ZNF44: variants seen among roughly 807,000 people sequenced by gnomAD.
ZNF44 encodes the protein gonadotropin inducible transcription repressor-2.
ZNF44 carries 9 observed loss-of-function variants against 11.7 expected under a neutral mutation model. The observed-to-expected ratio is 0.77, with a 90% CI of 0.46 to 1.35. ZNF44 has a LOEUF of 1.35. Ranked by LOEUF, ZNF44 falls within the 40% of genes most tolerant of loss-of-function variation. The pLI, the probability that ZNF44 is intolerant of heterozygous loss-of-function variation, is 0.00. For synonymous variants in ZNF44, 224 were observed against 242.7 expected (o/e 0.92, Z 0.72); for missense variants, 696 against 743.1 (o/e 0.94, Z 0.74).
At chr19:12,230,904 G>A (rs563442034) in intron 2 of ZNF44, among the ~76,000 whole-genome samples, 13 of 152,102 alleles carry the variant, frequency 8.5e-5, no homozygotes, top group East Asian at 1.9e-4. Flanking sequence ...TTATGGGGGC[G>A]TTGGAATGTC....
In ZNF44 at chr19:12,272,234, G is replaced by A; in HGVS notation, c.*173C>T. The A allele has an allele frequency of 9.0e-7, 1 of 1,108,706 alleles. No individual in the cohort carries two copies. Among genetic ancestry groups the A allele is most frequent in the Non-Finnish European group, 1.2e-6 (1 of 863,832 alleles). 68.7% of individuals were successfully genotyped at this position (1,108,706 alleles called of 1,614,324 possible). ...TAGCCAGGCTGGTCTCGATCTCCTG[G>A]CCTCGTGATCTGCCCTCCTCGGCCT... On this transcript the variant is annotated 3_prime_UTR_variant, in exon 4 of 4. Coordinates refer to ENST00000355684, the MANE Select transcript of ZNF44 (RefSeq NM_016264.4).
intron 5 of ZNF44, among the ~76,000 whole-genome samples, chr19:12,255,048 C>T (rs1201523498): frequency 1.3e-5 from 2 of 151,942 alleles, no homozygotes; most frequent in Non-Finnish European, 2.9e-5. Flanking sequence ...AAGATCGTGC[C>T]ACTGCACTCC....
intron 5 of ZNF44, among the ~76,000 whole-genome samples, chr19:12,265,018 T>C (rs2145710312): frequency 6.6e-6 from 1 of 151,818 alleles, no homozygotes; most frequent in East Asian, 1.9e-4. Context: ...TTCTAAACAA[T>C]CATATTTTAA....
intron 1 of ZNF44, among the ~76,000 whole-genome samples, chr19:12,288,893 A>C (rs936782554): frequency 6.7e-6 from 1 of 149,508 alleles, no homozygotes; most frequent in South Asian, 2.1e-4. Context: ...ACTGACATCA[A>C]TTCTGGCTCC....
intron 7 of ZNF44, among the ~76,000 whole-genome samples, chr19:12,249,124 C>A (rs965386767): frequency 2.6e-5 from 4 of 151,916 alleles, no homozygotes; most frequent in Non-Finnish European, 4.4e-5. Flanking sequence ...CCTGACCTCA[C>A]AATCCACCCA....
At chr19:12,234,669 A>G (rs1263706773) in exon 2 of ZNF44, 1 of 152,242 alleles carries the variant, frequency 6.6e-6, no homozygotes, top group Non-Finnish European at 1.5e-5. Flanking sequence ...ATCCTCACCT[A>G]TAGAAGCCAG....
chr19:12,255,896 C>A (rs1039940505), intron 5 of ZNF44, among the ~76,000 whole-genome samples: 2 of 151,830 alleles, frequency 1.3e-5, no homozygotes, highest in African/African-American at 4.8e-5. Context: ...ATTAGCCAGG[C>A]GTGGTGACAC....
upstream of ZNF44, among the ~76,000 whole-genome samples, chr19:12,242,091 C>G (rs955683029): frequency 2.6e-5 from 4 of 151,574 alleles, no homozygotes; most frequent in Non-Finnish European, 1.5e-5. Context: ...TTTTTTTGGA[C>G]TAATGAAAAA....
At position 12,273,356 on chromosome 19, in the gene ZNF44, T is replaced by C; in HGVS notation, c.899A>G (p.Glu300Gly). ...FSVSGSLRVH[E>G]RIHTGEKPYT... ...GGGTTTCTCTCCAGTGTGAATTCTT[T>C]CATGTACTCGAAGGGAACCGGAAAC... The change falls in exon 4 of 4, where the codon GAA (glutamate) becomes GGA (glycine). Residue 300 changes from glutamate to glycine, a missense_variant. By Grantham distance (98) the Glu-to-Gly change is moderately conservative (BLOSUM62 -2). Transcript: ENST00000355684. 1 of 1,613,606 alleles carries C rather than the reference T, an allele frequency of 6.2e-7. No individual in the cohort carries two copies. The highest frequency in any genetic ancestry group is 8.5e-7 in the Non-Finnish European group (1 of 1,179,866).
intron 1 of ZNF44, among the ~76,000 whole-genome samples, chr19:12,282,421 CTTT>C (rs59865823): frequency 3.2e-5 from 4 of 126,216 alleles, no homozygotes; most frequent in Non-Finnish European, 4.9e-5. Flanking sequence ...GAGAAGTCTT[CTTT>C]TTTTTTTTTT....
At chr19:12,248,682 T>TA (rs1351801234) in intron 7 of ZNF44, 1 of 1,256,036 alleles carries the variant, frequency 8.0e-7, no homozygotes, top group Non-Finnish European at 1.0e-6. Context: ...ATGATTTCTG[T>TA]AAAAAATGAG....
downstream of ZNF44, among the ~76,000 whole-genome samples, chr19:12,247,010 T>C (rs1291002807): frequency 1.3e-5 from 2 of 151,402 alleles, no homozygotes; most frequent in East Asian, 3.9e-4. Context: ...TCTACAAATA[T>C]ATACGTATAT....
intron 5 of ZNF44, among the ~76,000 whole-genome samples, chr19:12,253,987 A>G (rs528343847): frequency 6.6e-6 from 1 of 152,146 alleles, no homozygotes; most frequent in South Asian, 2.1e-4. Flanking sequence ...TCGAAAAAGG[A>G]AAAAATAAGA....
At chr19:12,253,136 G>A (rs555094957) in intron 5 of ZNF44, among the ~76,000 whole-genome samples, 22 of 150,150 alleles carry the variant, frequency 1.5e-4, no homozygotes, top group African/African-American at 4.9e-4. Context: ...TGATGTGCCC[G>A]CCTCAGCCGC....
intron 5 of ZNF44, among the ~76,000 whole-genome samples, chr19:12,259,797 C>CCCCACTAAA (rs1294258485): frequency 1.3e-5 from 2 of 152,202 alleles, no homozygotes; most frequent in African/African-American, 4.8e-5. Context: ...TGGGTGTTAT[C>CCCCACTAAA]CCCCACTAAA....
At chr19:12,247,981 G>A in exon 8 of ZNF44, 1 of 1,346,026 alleles carries the variant, frequency 7.4e-7, no homozygotes, top group Non-Finnish European at 9.9e-7. Context: ...TCATGTCTTT[G>A]AGCAGAGTTG....
At chr19:12,251,841 C>T (rs895769604) in intron 5 of ZNF44, among the ~76,000 whole-genome samples, 6 of 152,004 alleles carry the variant, frequency 3.9e-5, no homozygotes, top group African/African-American at 7.3e-5. Context: ...CACCTGAGGT[C>T]GGGAGTTTGA....
intron 1 of ZNF44, among the ~76,000 whole-genome samples, chr19:12,286,922 C>T (rs1967783759): frequency 6.6e-6 from 1 of 151,578 alleles, no homozygotes; most frequent in African/African-American, 2.4e-5. Flanking sequence ...AAGACTCTGT[C>T]TCAAAAATAA....
chr19:12,246,989 T>C (rs576951758), downstream of ZNF44, among the ~76,000 whole-genome samples: 2 of 151,820 alleles, frequency 1.3e-5, no homozygotes, highest in African/African-American at 4.8e-5. Context: ...GGCAAGATAA[T>C]GTTGCCTGTC....
Sources: allele counts gnomAD v4.1 joint callset (sites outside exome capture counted in the v4.1 genomes callset), GRCh38; gene constraint gnomAD v4.1.1; transcripts MANE v1.5; gene names NCBI Gene and HGNC (gene_info 2026-07-23, HGNC 2026-07-21).